The following CCDC81 variants were observed in gnomAD, a reference collection of about 807,000 sequenced individuals.
CCDC81 encodes coiled-coil domain containing 81.
CCDC81 carries 79 observed loss-of-function variants against 83.7 expected under a neutral mutation model. The ratio of observed to expected loss-of-function variants is 0.94; its 90% CI spans 0.79 to 1.14. The LOEUF (loss-of-function observed/expected upper bound fraction) is 1.14. Among genes scored for constraint, CCDC81 ranks in the 50% most tolerant of loss-of-function variants. The pLI is 0.00. For missense variants in CCDC81, 791 were observed against 778.1 expected, an observed-to-expected ratio of 1.02 and a Z score of -0.20; for synonymous variants, 252 against 278.1, an observed-to-expected ratio of 0.91 and a Z score of 0.93.
intron 6 of CCDC81, 61 bp from the exon 7 acceptor site, chr11:86,400,617 A>T: frequency 6.6e-7 from 1 of 1,506,730 alleles, no homozygotes; most frequent in Non-Finnish European, 9.0e-7. Flanking sequence ...GGTAAAAACT[A>T]CACAGTTAGT....
At chr11:86,415,345 T>C (rs762475470) in intron 13 of CCDC81, 32 bp downstream of exon 13, 2 of 1,538,928 alleles carry the variant, frequency 1.3e-6, no homozygotes, top group South Asian at 2.3e-5. Context: ...CTCCCTCCAC[T>C]TCTCCTCACT....
chr11:86,416,253 G>GA (rs1948718374), intron 13 of CCDC81, among the ~76,000 whole-genome samples: 1 of 152,190 alleles, frequency 6.6e-6, no homozygotes, highest in African/African-American at 2.4e-5. Context: ...CTGAAAGGAA[G>GA]ATGTCTTTCC....
intron 13 of CCDC81, chr11:86,419,417 T>G (rs577789596): frequency 8.5e-5 from 13 of 152,400 alleles, no homozygotes; most frequent in African/African-American, 3.1e-4. Flanking sequence ...TTTTCTTGCC[T>G]TCTTCACAAT....
chr11:86,404,489 T>C (rs1033847289), intron 7 of CCDC81, among the ~76,000 whole-genome samples: 1 of 152,196 alleles, frequency 6.6e-6, no homozygotes, highest in African/African-American at 2.4e-5. Flanking sequence ...GATCTTATTT[T>C]CATCTCAGGC....
At chr11:86,412,300 TA>T (rs1948653727) in intron 10 of CCDC81, 86 bp from the exon 11 acceptor site, 1 of 1,076,886 alleles carries the variant, frequency 9.3e-7, no homozygotes, top group African/African-American at 1.6e-5. Context: ...AATTAAGAAA[TA>T]CTTTCTGATT....
intron 8 of CCDC81, 92 bp from the exon 9 acceptor site, chr11:86,408,035 A>G (rs1276694641): frequency 5.5e-6 from 7 of 1,276,464 alleles, no homozygotes; most frequent in Non-Finnish European, 6.5e-6. Context: ...AGGTTTCTTG[A>G]TATACCTAGC....
At chr11:86,406,339 A>G (rs1948565645) in intron 7 of CCDC81, among the ~76,000 whole-genome samples, 1 of 152,042 alleles carries the variant, frequency 6.6e-6, no homozygotes, top group Non-Finnish European at 1.5e-5. Flanking sequence ...AATCTTTCTT[A>G]TTTCTTGATG....
chr11:86,389,295 A>G (rs1948291218), intron 3 of CCDC81, among the ~76,000 whole-genome samples: 1 of 152,080 alleles, frequency 6.6e-6, no homozygotes, highest in Non-Finnish European at 1.5e-5. Context: ...AAAACCCCCA[A>G]AGAAAAATTT....
In CCDC81 at chr11:86,400,707, A is replaced by G. The variant is rs1948474640; in HGVS notation, c.787A>G (p.Arg263Gly). 1 of 1,612,442 alleles carries G rather than the reference A, an allele frequency of 6.2e-7. No individual in the cohort carries two copies. Among genetic ancestry groups the G allele is most frequent in the Non-Finnish European group, 8.5e-7 (1 of 1,178,650 alleles). The part of the protein sequence containing the change: ...DISSPKRLRD[R>G]QALFPAKVTN... ...CTCATCACCCAAAAGACTTCGAGAT[A>G]GACAAGCTTTGTTCCCTGCCAAAGT... is the stretch of plus-strand genomic sequence containing the variant. Residue 263 changes from arginine (R) to glycine (G), a missense_variant, in exon 7 of 15, where the codon AGA becomes GGA. Coordinates refer to ENST00000445632, the MANE Select transcript of CCDC81 (RefSeq NM_001156474.2).
At chr11:86,408,748 TAAAC>T (rs1471413484) in intron 9 of CCDC81, among the ~76,000 whole-genome samples, 1 of 152,256 alleles carries the variant, frequency 6.6e-6, no homozygotes, top group Non-Finnish European at 1.5e-5. Context: ...TCACTAATAA[TAAAC>T]AACACTGGGA....
chr11:86,422,704 T>C lies in CCDC81; in HGVS notation c.1948T>C (p.Leu650=). ...PLNKFLPGSR[L]LV ...GAACAAGTTCCTGCCTGGCTCCCGG[T>C]TGCTTGTGTAAAACTCAAAGTTTGG... The change falls in exon 15 of 15, where the codon TTG becomes CTG. Residue 650 remains leucine, a synonymous_variant. Coordinates refer to ENST00000445632, the MANE Select transcript of CCDC81 (RefSeq NM_001156474.2). 6.2e-7 allele frequency: 1 copy of C among 1,613,404 alleles called. No individual in the cohort carries two copies. The highest frequency in any genetic ancestry group is 1.1e-5 in the South Asian group (1 of 91,008).
intron 4 of CCDC81, among the ~76,000 whole-genome samples, chr11:86,393,466 G>T (rs1225505939): frequency 3.3e-5 from 5 of 152,122 alleles, no homozygotes; most frequent in Non-Finnish European, 7.4e-5. Context: ...GAAAAGTAGG[G>T]GCTCAGAGAG....
chr11:86,395,720 A>G (rs1319339760), intron 5 of CCDC81, among the ~76,000 whole-genome samples: 9 of 152,184 alleles, frequency 5.9e-5, no homozygotes, highest in African/African-American at 1.9e-4. Flanking sequence ...TCCTGGGTTC[A>G]AGCAATTCTC....
chr11:86,399,104 A>T (rs176762), intron 6 of CCDC81, among the ~76,000 whole-genome samples: 152,351 of 152,366 alleles, frequency 1, 76,168 homozygotes, highest in Middle Eastern at 1. Context: ...GGCTGTTAAA[A>T]GTTGACGACT....
chr11:86,400,928 C>A, intron 7 of CCDC81, 127 bp downstream of exon 7: 1 of 959,014 alleles, frequency 1.0e-6, no homozygotes, highest in Non-Finnish European at 1.5e-6. Context: ...TTTCTATATG[C>A]AACATGATGG....
chr11:86,375,472 A>G (rs1344334979), intron 1 of CCDC81, among the ~76,000 whole-genome samples: 1 of 152,162 alleles, frequency 6.6e-6, no homozygotes, highest in Non-Finnish European at 1.5e-5. Flanking sequence ...GTAAGTGCTC[A>G]ATAAACGGAC....
intron 7 of CCDC81, among the ~76,000 whole-genome samples, chr11:86,401,526 T>A (rs1487950248): frequency 6.6e-6 from 1 of 152,186 alleles, no homozygotes; most frequent in Non-Finnish European, 1.5e-5. Flanking sequence ...AATGCTTGTT[T>A]TGGATAATAT....
At chr11:86,407,119 C>T (rs1003169080) in intron 7 of CCDC81, among the ~76,000 whole-genome samples, 4 of 152,248 alleles carry the variant, frequency 2.6e-5, no homozygotes, top group Non-Finnish European at 5.9e-5. Context: ...CAGTTTAACA[C>T]TCCATTCCTC....
chr11:86,377,838 T>C (rs1948117967), intron 1 of CCDC81, among the ~76,000 whole-genome samples: 1 of 152,118 alleles, frequency 6.6e-6, no homozygotes, highest in African/African-American at 2.4e-5. Context: ...AAGTCATTGC[T>C]ATACCCAAGA....
Sources: allele counts gnomAD v4.1 joint callset (sites outside exome capture counted in the v4.1 genomes callset), GRCh38; gene constraint gnomAD v4.1.1; transcripts MANE v1.5; gene names NCBI Gene and HGNC (gene_info 2026-07-23, HGNC 2026-07-21).